AKAP13: variants seen among roughly 807,000 people sequenced by gnomAD.
AKAP13 encodes A-kinase anchor protein 13.
In AKAP13, 80 loss-of-function variants were observed where a neutral mutation model predicts 264.5. That is an observed-to-expected ratio of 0.30 (90% CI 0.25 to 0.36). The LOEUF is 0.36. AKAP13 is among the 10% of genes least tolerant of loss of function. The pLI is 1.00. For synonymous variants in AKAP13, 1,380 were observed against 1,250.2 expected, an observed-to-expected ratio of 1.10 and a Z score of -2.19; for missense variants, 3,712 against 3,435.2, an observed-to-expected ratio of 1.08 and a Z score of -2.01.
At chr15:85,610,803 C>A (rs78448367) in intron 8 of AKAP13, among the ~76,000 whole-genome samples, 2 of 151,428 alleles carry the variant, frequency 1.3e-5, no homozygotes, top group African/African-American at 4.9e-5. Flanking sequence ...TGGTGAAACT[C>A]CCCCGTCTCT....
At chr15:85,717,915 T>C (rs1206439850) in intron 21 of AKAP13, 92 bp from the exon 22 acceptor site, 2 of 1,288,282 alleles carry the variant, frequency 1.6e-6, no homozygotes, top group African/African-American at 3.0e-5. Flanking sequence ...ATGTGTCTTA[T>C]GAAATCAACT....
chr15:85,716,104 C>T (rs1392652914), intron 20 of AKAP13, among the ~76,000 whole-genome samples, 181 bp downstream of exon 20: 2 of 151,140 alleles, frequency 1.3e-5, no homozygotes, highest in African/African-American at 4.9e-5. Context: ...GTCATTCTGT[C>T]GCAAGGATCT....
chr15:85,563,857 G>T (rs941007519), intron 5 of AKAP13, among the ~76,000 whole-genome samples: 2 of 152,136 alleles, frequency 1.3e-5, no homozygotes, highest in African/African-American at 4.8e-5. Context: ...CTTTTAAAAG[G>T]ACTGTTACAT....
intron 1 of AKAP13, among the ~76,000 whole-genome samples, chr15:85,475,042 A>C (rs953900166): frequency 7.9e-5 from 12 of 152,220 alleles, no homozygotes; most frequent in African/African-American, 2.9e-4. Flanking sequence ...CTACCTGCCT[A>C]TATTTAGTCT....
Position 85,706,449 on chromosome 15 carries a change from GA to G in AKAP13, c.5465-1566del, listed in dbSNP as rs2086265467. Among the ~76,000 whole-genome samples, 5 of 152,294 alleles carry G rather than the reference GA, an allele frequency of 3.3e-5. 1 individual carries two copies. The South Asian group carries it at 1.0e-3, about 32-fold the overall frequency. ...GAATCACAGCAGAGGGAACCTGGGG[GA>G]AAATGTGATTCCTCCTTTTTAATTT... On this transcript the variant is annotated intron_variant, in intron 17 of 36. Transcript: ENST00000394518.
intron 2 of AKAP13, among the ~76,000 whole-genome samples, chr15:85,494,692 G>A (rs998815021): frequency 1.5e-4 from 23 of 152,176 alleles, no homozygotes; most frequent in African/African-American, 5.5e-4. Flanking sequence ...ATTGAGGGAA[G>A]TTGCCTGCAG....
intron 1 of AKAP13, chr15:85,382,214 A>G (rs2070315664): frequency 6.6e-6 from 1 of 152,142 alleles, no homozygotes; most frequent in African/African-American, 2.4e-5. Context: ...GTATTCCTTT[A>G]CCATCTGCTA....
chr15:85,394,999 G>A (rs1051328005), intron 1 of AKAP13, among the ~76,000 whole-genome samples: 2 of 152,226 alleles, frequency 1.3e-5, no homozygotes, highest in South Asian at 2.1e-4. Context: ...TTCTAATACA[G>A]TACAGTAAAT....
rs191016487 is a variant in AKAP13 at position 85,617,911 on chromosome 15, T to A, written c.4162-21463T>A. Among the ~76,000 whole-genome samples the A allele has an allele frequency of 1.4e-3, 207 of 152,332 alleles. 2 individuals are homozygous for A. In the Middle Eastern group the frequency reaches 0.014, roughly 10 times the overall value. On this transcript the variant is annotated intron_variant, in intron 8 of 36. Coordinates refer to ENST00000394518, the MANE Select transcript of AKAP13 (RefSeq NM_007200.5). ...AAGAATTTTATTTACAACTTTTAAA[T>A]CTCTGTCAAATCGTCTTGTTTCTAC...
rs111273746 is a variant in AKAP13 at position 85,744,804 on chromosome 15, G to T, written c.*127G>T. 1.2e-6 allele frequency: 1 copy of T among 848,084 alleles called. No homozygotes were observed. The highest frequency in any genetic ancestry group is 1.8e-6 in the Non-Finnish European group (1 of 554,596). 52.5% of individuals were successfully genotyped at this position (848,084 alleles called of 1,614,324 possible). A position where few individuals can be genotyped will look rare whatever the true frequency, so the allele number is the denominator to read the frequency against. On this transcript the variant is annotated 3_prime_UTR_variant, in exon 37 of 37. Coordinates refer to ENST00000394518, the MANE Select transcript of AKAP13 (RefSeq NM_007200.5). ...TCCTCAGCGTCCAGTCCTCCTGGGC[G>T]GCCCCAGGTCCTGGACAATAAGCAA...
chr15:85,684,623 G>A (rs1049078931), intron 15 of AKAP13, 118 bp from the exon 16 acceptor site: 17 of 1,054,646 alleles, frequency 1.6e-5, no homozygotes, highest in Middle Eastern at 3.2e-4. Context: ...GAACCTGGGC[G>A]TTGTGGCATA....
chr15:85,738,227 G>C (rs147887541), intron 33 of AKAP13, among the ~76,000 whole-genome samples: 2,004 of 151,820 alleles, frequency 0.013, 50 homozygotes, highest in African/African-American at 0.043. Flanking sequence ...GTGAAACCCT[G>C]TCTCTACTAA....
chr15:85,506,396 G>A (rs1567093525), intron 2 of AKAP13, among the ~76,000 whole-genome samples: 1 of 152,242 alleles, frequency 6.6e-6, no homozygotes, highest in East Asian at 1.9e-4. Context: ...ATACCTTTAG[G>A]CAATGATGTA....
chr15:85,527,154 G>T (rs531715698), intron 3 of AKAP13, among the ~76,000 whole-genome samples: 2 of 151,984 alleles, frequency 1.3e-5, no homozygotes, highest in Admixed American at 1.3e-4. Flanking sequence ...TAGTAGAGAC[G>T]GGGTTTCACC....
At chr15:85,493,692 C>T (rs1201716577) in intron 2 of AKAP13, among the ~76,000 whole-genome samples, 1 of 152,128 alleles carries the variant, frequency 6.6e-6, no homozygotes, top group Non-Finnish European at 1.5e-5. Flanking sequence ...TTATAGCAAG[C>T]CATGTGACTG....
chr15:85,550,194 C>T (rs918008404), intron 5 of AKAP13, among the ~76,000 whole-genome samples: 13 of 152,118 alleles, frequency 8.5e-5, no homozygotes, highest in African/African-American at 2.4e-4. Context: ...GGATTACAGA[C>T]GTGAGCCACT....
In AKAP13 at chr15:85,579,062, T is replaced by A. The variant is rs752304339; in HGVS notation, c.994T>A (p.Ser332Thr). 8 of 1,614,050 alleles carry A rather than the reference T, an allele frequency of 5.0e-6. No homozygotes were observed. The highest frequency in any genetic ancestry group is 2.5e-6 in the Non-Finnish European group (3 of 1,180,050). ...GCCCACGGACCCTCAGCGACTTTCTTCTTCTGAAGAGACTGAGAGCACTCA... is the reference window on the plus strand; with the variant it reads ...GCCCACGGACCCTCAGCGACTTTCTACTTCTGAAGAGACTGAGAGCACTCA... Reference protein sequence around the residue: ...PEPTDPQRLSSSEETESTQCC... With the variant: ...PEPTDPQRLSTSEETESTQCC... The change falls in exon 7 of 37, where the codon TCT becomes ACT. Residue 332 changes from serine (S) to threonine (T), a missense_variant. Transcript: ENST00000394518.
chr15:85,684,687 T>C, intron 15 of AKAP13, 54 bp from the exon 16 acceptor site: 1 of 1,552,500 alleles, frequency 6.4e-7, no homozygotes, highest in South Asian at 1.2e-5. Context: ...TGCTTCACTT[T>C]TATTTAACTT....
intron 1 of AKAP13, among the ~76,000 whole-genome samples, chr15:85,480,148 G>A (rs1464128644): frequency 5.3e-5 from 8 of 152,168 alleles, no homozygotes; most frequent in African/African-American, 1.9e-4. Context: ...CCAGAGATAT[G>A]TACACTTAAC....
Sources: allele counts gnomAD v4.1 joint callset (sites outside exome capture counted in the v4.1 genomes callset), GRCh38; gene constraint gnomAD v4.1.1; transcripts MANE v1.5; gene names NCBI Gene and HGNC (gene_info 2026-07-23, HGNC 2026-07-21).